Variants in VTI1A observed in about 807,000 individuals in gnomAD.
VTI1A encodes vesicle transport through interaction with t-SNAREs homolog 1A.
In VTI1A, 22 loss-of-function variants were observed where a neutral mutation model predicts 34.9. That is an observed-to-expected ratio of 0.63 (90% CI 0.45 to 0.90). VTI1A has a LOEUF of 0.90. Among genes scored for constraint, VTI1A ranks in the 40% least tolerant of loss-of-function variants. The pLI, the probability that VTI1A is intolerant of heterozygous loss-of-function variation, is 0.00. For synonymous variants in VTI1A, 87 were observed against 97.3 expected, an observed-to-expected ratio of 0.89 and a Z score of 0.62; for missense variants, 268 against 275.6, an observed-to-expected ratio of 0.97 and a Z score of 0.20.
intron 7 of VTI1A, among the ~76,000 whole-genome samples, chr10:112,811,417 G>A (rs1042272493): frequency 6.6e-6 from 1 of 152,118 alleles, no homozygotes; most frequent in Non-Finnish European, 1.5e-5. Context: ...AGTGCAGACC[G>A]GGCGCGGTGG....
intron 3 of VTI1A, among the ~76,000 whole-genome samples, chr10:112,470,554 A>G (rs751474048): frequency 2.0e-5 from 3 of 152,114 alleles, no homozygotes; most frequent in Non-Finnish European, 4.4e-5. Context: ...GGAAGAATGG[A>G]TGGGAGCCTG....
At chr10:112,648,721 C>G (rs1045987147) in intron 5 of VTI1A, among the ~76,000 whole-genome samples, 1 of 151,928 alleles carries the variant, frequency 6.6e-6, no homozygotes, top group African/African-American at 2.4e-5. Flanking sequence ...TTATTATTAC[C>G]CTTTCAGTAT....
rs945040532 is a variant in VTI1A, at chr10:112,563,884, C to T, written c.427+25554C>T. ...AGAATATCTGTGAGTAGTTTTTGGA[C>T]AAAAACATTTCTTTTCATGGCAAGG... On this transcript the variant is annotated intron_variant, in intron 5 of 7. Coordinates refer to ENST00000393077, the MANE Select transcript of VTI1A (RefSeq NM_145206.4). Among the ~76,000 whole-genome samples the T allele has an allele frequency of 5.9e-5, 9 of 152,044 alleles. No individual in the cohort carries two copies. The East Asian group carries it at 1.3e-3, about 23-fold the overall frequency.
intron 7 of VTI1A, chr10:112,737,814 T>C (rs1383666917): frequency 5.7e-6 from 6 of 1,060,538 alleles, no homozygotes; most frequent in Non-Finnish European, 6.8e-6. Flanking sequence ...TGTTGCTGAG[T>C]CATTTTTCTT....
rs149117342 is a variant in VTI1A at position 112,523,898 on chromosome 10, G to A, written c.265-3189G>A. ...TCATGTTTGCATTTGGCTAAAGTAC[G>A]AATTTTATACCGTTGATAATAAAGA... is the stretch of plus-strand genomic sequence containing the variant. On this transcript the variant is annotated intron_variant, in intron 3 of 7. Coordinates refer to ENST00000393077, the MANE Select transcript of VTI1A (RefSeq NM_145206.4). Among the ~76,000 whole-genome samples the A allele has an allele frequency of 6.6e-5, 10 of 152,156 alleles. No individual in the cohort carries two copies. In the East Asian group the frequency reaches 1.5e-3, roughly 23 times the overall value.
chr10:112,668,856 T>C (rs1847742457), intron 6 of VTI1A, 81 bp from the exon 7 acceptor site: 11 of 1,397,936 alleles, frequency 7.9e-6, no homozygotes, highest in Non-Finnish European at 1.1e-5. Context: ...TTTTCTATCA[T>C]GAAATAAATT....
intron 3 of VTI1A, among the ~76,000 whole-genome samples, chr10:112,518,451 G>A (rs1324053768): frequency 1.3e-5 from 2 of 151,564 alleles, no homozygotes; most frequent in Admixed American, 1.3e-4. Context: ...GCTTATACCT[G>A]TAACCCCAGC....
At chr10:112,563,641 T>C (rs997584727) in intron 5 of VTI1A, among the ~76,000 whole-genome samples, 3 of 152,342 alleles carry the variant, frequency 2.0e-5, no homozygotes, top group Non-Finnish European at 2.9e-5. Context: ...CATTGACAAT[T>C]GTTGAAGGCC....
intron 7 of VTI1A, among the ~76,000 whole-genome samples, chr10:112,799,542 C>T (rs1423047510): frequency 1.3e-5 from 2 of 152,196 alleles, no homozygotes; most frequent in South Asian, 2.1e-4. Context: ...TGCCTACAGC[C>T]TGCAGACTGG....
chr10:112,582,055 G>A (rs1459203816), intron 5 of VTI1A, among the ~76,000 whole-genome samples: 1 of 152,232 alleles, frequency 6.6e-6, no homozygotes, highest in East Asian at 1.9e-4. Flanking sequence ...AATACCACAG[G>A]CTGGGTGGCT....
chr10:112,787,492 C>T (rs755380438), intron 7 of VTI1A, among the ~76,000 whole-genome samples: 4 of 152,034 alleles, frequency 2.6e-5, no homozygotes, highest in Admixed American at 6.5e-5. Context: ...TGAGACCTTT[C>T]CTTTTTCCCT....
chr10:112,675,182 C>T (rs1399500234), intron 7 of VTI1A, among the ~76,000 whole-genome samples: 1 of 152,200 alleles, frequency 6.6e-6, no homozygotes, highest in Non-Finnish European at 1.5e-5. Flanking sequence ...TATGCACTCT[C>T]TGATAGGTAG....
chr10:112,689,193 G>T (rs908391658), intron 7 of VTI1A, among the ~76,000 whole-genome samples: 5 of 152,224 alleles, frequency 3.3e-5, no homozygotes, highest in Admixed American at 3.3e-4. Flanking sequence ...GAAAAGTGCA[G>T]TGAATTCCAG....
chr10:112,589,018 CTTTTTTTTT>C (rs3057340), intron 5 of VTI1A, among the ~76,000 whole-genome samples: 10 of 129,258 alleles, frequency 7.7e-5, no homozygotes, highest in African/African-American at 2.9e-4. Context: ...GACTCCTTGT[CTTTTTTTTT>C]TTTTTTTTTT....
chr10:112,467,364 G>GC (rs928015877), intron 3 of VTI1A, among the ~76,000 whole-genome samples: 1 of 151,926 alleles, frequency 6.6e-6, no homozygotes, highest in African/African-American at 2.4e-5. Context: ...TATTCTCTAG[G>GC]CCAGGGATGT....
At chr10:112,786,417 G>T (rs935119144) in intron 7 of VTI1A, among the ~76,000 whole-genome samples, 4 of 152,070 alleles carry the variant, frequency 2.6e-5, no homozygotes, top group African/African-American at 9.7e-5. Context: ...TCCAATCTGG[G>T]TGCCTTTTAC....
At chr10:112,514,546 G>A (rs547522732) in intron 3 of VTI1A, among the ~76,000 whole-genome samples, 1 of 150,664 alleles carries the variant, frequency 6.6e-6, no homozygotes, top group Non-Finnish European at 1.5e-5. Context: ...CTAACTTTGC[G>A]CTTAGTTTAT....
intron 5 of VTI1A, among the ~76,000 whole-genome samples, chr10:112,574,549 G>T (rs1288695687): frequency 2.0e-5 from 3 of 152,220 alleles, no homozygotes; most frequent in African/African-American, 7.2e-5. Context: ...TTTGCTATGA[G>T]CTGTGTAACT....
rs180698524 is a variant in VTI1A, at chr10:112,685,041, T to C, written c.560+16043T>C. 2.0e-3 allele frequency among the ~76,000 whole-genome samples: 307 copies of C among 152,336 alleles called. 3 individuals are homozygous for C. The highest frequency in any genetic ancestry group is 2.8e-3 in the Admixed American group (43 of 15,302). ...AAAAATAGACCAATTTATGATACTC[T>C]GGAGTGACATGTTGTAGGTTTTCTT... On this transcript the variant is annotated intron_variant, in intron 7 of 7. Transcript: ENST00000393077.
Sources: gnomAD v4.1 joint callset for allele counts (sites outside exome capture counted in the v4.1 genomes callset) on GRCh38, gnomAD v4.1.1 for gene constraint, MANE v1.5 for transcripts, NCBI Gene and HGNC (gene_info 2026-07-23, HGNC 2026-07-21) for gene names.